GPHN: variants seen among roughly 807,000 people sequenced by gnomAD.
GPHN encodes the protein gephyrin.
GPHN carries 17 observed loss-of-function variants against 95.5 expected under a neutral mutation model. The ratio of observed to expected loss-of-function variants is 0.18; its 90% confidence interval spans 0.12 to 0.27. The LOEUF is 0.27. Ranked by LOEUF, GPHN falls within the 10% of genes least tolerant of loss-of-function variation. GPHN has a pLI of 1.00. For synonymous variants in GPHN, 320 were observed against 322.5 expected, an observed-to-expected ratio of 0.99 and a Z score of 0.08; for missense variants, 660 against 978.1, an observed-to-expected ratio of 0.67 and a Z score of 4.34.
At chr14:67,339,853 C>T in the GPHN span, among the ~76,000 whole-genome samples, 1 of 152,090 alleles carries the variant, frequency 6.6e-6, no homozygotes, top group Admixed American at 6.5e-5. Flanking sequence ...AATCCCAGCA[C>T]TTTGGCAGGC....
the GPHN span, chr14:67,650,789 G>A: frequency 6.2e-7 from 1 of 1,614,072 alleles, no homozygotes. Flanking sequence ...GAAGACTACA[G>A]CTAACCTGGC....
chr14:66,814,558 A>G (rs2060890780), intron 3 of GPHN, among the ~76,000 whole-genome samples: 1 of 152,206 alleles, frequency 6.6e-6, no homozygotes, highest in African/African-American at 2.4e-5. Context: ...GCCTCCTAAA[A>G]TGTTCCAAAA....
chr14:67,593,838 G>A, the GPHN span: 3 of 1,612,324 alleles, frequency 1.9e-6, no homozygotes, highest in Non-Finnish European at 2.5e-6. Flanking sequence ...GAAGTCATCT[G>A]AATGCCAAGG....
At chr14:66,956,571 G>T (rs1054639905) in intron 8 of GPHN, among the ~76,000 whole-genome samples, 45 of 151,570 alleles carry the variant, frequency 3.0e-4, no homozygotes, top group Non-Finnish European at 5.6e-4. Flanking sequence ...TTTAATGATC[G>T]CCATTCTAAC....
chr14:67,539,210 T>C, the GPHN span, among the ~76,000 whole-genome samples: 1 of 152,184 alleles, frequency 6.6e-6, no homozygotes, highest in Non-Finnish European at 1.5e-5. Context: ...CCCGGCCTTC[T>C]CTGAGAGCCT....
chr14:67,603,067 G>GTTTGTTTGT, the GPHN span, among the ~76,000 whole-genome samples: 1 of 151,498 alleles, frequency 6.6e-6, no homozygotes, highest in South Asian at 2.1e-4. Flanking sequence ...TTTCTTTCTG[G>GTTTGTTTGT]TTTGTTTTGT....
intron 18 of GPHN, among the ~76,000 whole-genome samples, chr14:67,149,235 C>G (rs1364342743): frequency 2.0e-5 from 3 of 152,002 alleles, no homozygotes; most frequent in Admixed American, 2.0e-4. Context: ...TCCCAGCTAC[C>G]TGGGAGGCTG....
At chr14:67,385,361 C>G in the GPHN span, 2 of 150,650 alleles carry the variant, frequency 1.3e-5, no homozygotes, top group Admixed American at 6.6e-5. Context: ...GGGGCCAAGG[C>G]AGGAGGATCA....
At chr14:66,581,346 T>A (rs2061160619) in intron 1 of GPHN, among the ~76,000 whole-genome samples, 3 of 151,800 alleles carry the variant, frequency 2.0e-5, no homozygotes, top group African/African-American at 7.3e-5. Flanking sequence ...TAAAATAGTC[T>A]AACTGTAAGA....
chr14:67,105,772 T>TA (rs1211048643), intron 13 of GPHN, among the ~76,000 whole-genome samples: 4 of 152,156 alleles, frequency 2.6e-5, no homozygotes, highest in Non-Finnish European at 5.9e-5. Flanking sequence ...TCTTTTTTTT[T>TA]AAATCCATTC....
At chr14:67,455,119 G>A in the GPHN span, among the ~76,000 whole-genome samples, 6 of 152,182 alleles carry the variant, frequency 3.9e-5, no homozygotes, top group African/African-American at 1.4e-4. Context: ...CAAAGTGCTG[G>A]GATTATAGGC....
the GPHN span, chr14:67,727,033 T>C: frequency 2.5e-6 from 4 of 1,613,770 alleles, no homozygotes; most frequent in Non-Finnish European, 3.4e-6. Flanking sequence ...TGTCTGCCCC[T>C]GCACGGGTGG....
At chr14:67,299,186 G>C in the GPHN span, among the ~76,000 whole-genome samples, 1 of 152,064 alleles carries the variant, frequency 6.6e-6, no homozygotes, top group South Asian at 2.1e-4. Flanking sequence ...ATGTGTATTG[G>C]CTATTTCTCT....
chr14:67,008,093 G>A (rs1454943035), intron 9 of GPHN, among the ~76,000 whole-genome samples: 1 of 152,168 alleles, frequency 6.6e-6, no homozygotes. Flanking sequence ...TTTAAAAGCT[G>A]TGTCTGAAAT....
At chr14:66,562,461 A>T (rs2060297374) in intron 1 of GPHN, among the ~76,000 whole-genome samples, 1 of 152,146 alleles carries the variant, frequency 6.6e-6, no homozygotes, top group Admixed American at 6.6e-5. Context: ...TGTCAATTGT[A>T]CCTTAACAAA....
the GPHN span, among the ~76,000 whole-genome samples, chr14:67,233,151 A>ATTTTATTTTT: frequency 6.7e-6 from 1 of 150,270 alleles, no homozygotes; most frequent in African/African-American, 2.5e-5. Context: ...ATTTTATTTT[A>ATTTTATTTTT]TTTTTTTGGA....
At chr14:66,862,026 A>G (rs1331951499) in intron 4 of GPHN, among the ~76,000 whole-genome samples, 1 of 152,066 alleles carries the variant, frequency 6.6e-6, no homozygotes, top group African/African-American at 2.4e-5. Flanking sequence ...TGAAGGAAAT[A>G]CAAAAAGATC....
chr14:66,938,059 AT>A (rs561662937), intron 8 of GPHN, among the ~76,000 whole-genome samples: 12 of 152,044 alleles, frequency 7.9e-5, no homozygotes, highest in South Asian at 2.1e-4. Flanking sequence ...TACAGCCAAT[AT>A]TTTTTTCTTC....
chr14:67,505,885 C>T, the GPHN span, among the ~76,000 whole-genome samples: 2 of 152,052 alleles, frequency 1.3e-5, no homozygotes, highest in African/African-American at 2.4e-5. Context: ...TTTTTAGTAG[C>T]GACAGGGTTT....
Sources: gnomAD v4.1 joint callset for allele counts (sites outside exome capture counted in the v4.1 genomes callset) on GRCh38, gnomAD v4.1.1 for gene constraint, MANE v1.5 for transcripts, NCBI Gene and HGNC (gene_info 2026-07-23, HGNC 2026-07-21) for gene names.